Variants in KLHL14 observed in about 807,000 individuals in gnomAD.
KLHL14 encodes the protein kelch like family member 14.
A neutral mutation model predicts 64.3 loss-of-function variants in KLHL14; 22 were observed. That is an observed-to-expected ratio of 0.34 (90% CI 0.24 to 0.49). KLHL14 has a LOEUF of 0.49. KLHL14 is among the 20% of genes least tolerant of loss of function. KLHL14 has a pLI of 0.99. For missense variants in KLHL14, 661 were observed against 789.0 expected, an observed-to-expected ratio of 0.84 and a Z score of 1.94; for synonymous variants, 322 against 333.4, an observed-to-expected ratio of 0.97 and a Z score of 0.37.
At chr18:32,701,927 A>G (rs1267169463) in intron 3 of KLHL14, among the ~76,000 whole-genome samples, 1 of 152,226 alleles carries the variant, frequency 6.6e-6, no homozygotes, top group Admixed American at 6.5e-5. Flanking sequence ...GGTACATTTT[A>G]CATTTTGTTG....
chr18:32,684,565 A>G (rs1343267915), intron 5 of KLHL14, among the ~76,000 whole-genome samples: 8 of 152,170 alleles, frequency 5.3e-5, no homozygotes. Flanking sequence ...AATAGCAAGT[A>G]TAGCTCTGTA....
At chr18:32,710,687 G>A (rs768815342) in intron 3 of KLHL14, among the ~76,000 whole-genome samples, 2 of 152,142 alleles carry the variant, frequency 1.3e-5, no homozygotes, top group South Asian at 2.1e-4. Flanking sequence ...AAAAAGATGA[G>A]GCATGAGAAG....
chr18:32,701,121 T>C (rs1232449721), intron 3 of KLHL14, among the ~76,000 whole-genome samples: 2 of 152,190 alleles, frequency 1.3e-5, no homozygotes, highest in African/African-American at 4.8e-5. Flanking sequence ...AGTATTCCAT[T>C]TGATGGGCAT....
chr18:32,768,390 GACACAC>G (rs10567081), intron 2 of KLHL14, among the ~76,000 whole-genome samples: 9,361 of 141,562 alleles, frequency 0.066, 314 homozygotes, highest in Non-Finnish European at 0.071. Context: ...GAAACATAAT[GACACAC>G]ACACACACAC....
chr18:32,768,423 A>ACACACT (rs2050358363), intron 2 of KLHL14, among the ~76,000 whole-genome samples: 1 of 151,668 alleles, frequency 6.6e-6, no homozygotes, highest in Non-Finnish European at 1.5e-5. Flanking sequence ...ACACACACAC[A>ACACACT]CACACACACC....
chr18:32,693,413 C>CACACACAGAGAGAGAG (rs1229737083), intron 4 of KLHL14, among the ~76,000 whole-genome samples: 112 of 97,028 alleles, frequency 1.2e-3, no homozygotes, highest in African/African-American at 5.3e-3. Flanking sequence ...CACACACACA[C>CACACACAGAGAGAGAG]AGAGAGAGAG....
intron 2 of KLHL14, among the ~76,000 whole-genome samples, chr18:32,749,118 A>G (rs1041358201): frequency 6.6e-6 from 1 of 152,178 alleles, no homozygotes; most frequent in African/African-American, 2.4e-5. Flanking sequence ...TGATATTTTA[A>G]TTATGCTAAC....
intron 2 of KLHL14, among the ~76,000 whole-genome samples, chr18:32,761,614 T>C (rs780365570): frequency 2.0e-5 from 3 of 152,148 alleles, no homozygotes; most frequent in African/African-American, 4.8e-5. Flanking sequence ...CTGTCTGTTA[T>C]AGGGTGTCCC....
At chr18:32,749,029 G>A (rs8090117) in intron 2 of KLHL14, among the ~76,000 whole-genome samples, 2,020 of 152,174 alleles carry the variant, frequency 0.013, 32 homozygotes, top group African/African-American at 0.035. Flanking sequence ...GTAATTTGCA[G>A]GTTTGACAAG....
chr18:32,723,801 C>G (rs2050091905), intron 3 of KLHL14, among the ~76,000 whole-genome samples: 1 of 152,096 alleles, frequency 6.6e-6, no homozygotes, highest in Non-Finnish European at 1.5e-5. Context: ...CTAAGATATT[C>G]TTGCCTTTTG....
At chr18:32,755,184 G>A (rs2050275604) in intron 2 of KLHL14, among the ~76,000 whole-genome samples, 1 of 152,036 alleles carries the variant, frequency 6.6e-6, no homozygotes, top group South Asian at 2.1e-4. Context: ...AACCCTAGGT[G>A]GAGGGCTCCG....
chr18:32,771,430 G>C (rs1449187950), intron 1 of KLHL14, among the ~76,000 whole-genome samples: 1 of 152,140 alleles, frequency 6.6e-6, no homozygotes, highest in Non-Finnish European at 1.5e-5. Flanking sequence ...TTCGCAAACT[G>C]TTGGCTTCCC....
At chr18:32,716,953 C>T (rs925014336) in intron 3 of KLHL14, among the ~76,000 whole-genome samples, 1 of 152,096 alleles carries the variant, frequency 6.6e-6, no homozygotes, top group Non-Finnish European at 1.5e-5. Context: ...ATCTGCTAGA[C>T]AGATGTCTAG....
intron 3 of KLHL14, among the ~76,000 whole-genome samples, chr18:32,728,170 A>G (rs1295325921): frequency 6.6e-6 from 1 of 152,228 alleles, no homozygotes; most frequent in Non-Finnish European, 1.5e-5. Flanking sequence ...TTGATTCTGC[A>G]TAAAATGCTG....
intron 4 of KLHL14, among the ~76,000 whole-genome samples, chr18:32,694,307 A>G (rs145018361): frequency 6.6e-6 from 1 of 152,374 alleles, no homozygotes; most frequent in Non-Finnish European, 1.5e-5. Context: ...CATCTAAAGA[A>G]GGATAAGTTA....
intron 2 of KLHL14, among the ~76,000 whole-genome samples, chr18:32,753,538 A>G (rs1355389743): frequency 3.9e-5 from 6 of 152,186 alleles, no homozygotes; most frequent in Non-Finnish European, 7.3e-5. Flanking sequence ...CTAGGCACCA[A>G]ACTTGCAGAC....
chr18:32,723,747 C>T (rs2050091563), intron 3 of KLHL14, among the ~76,000 whole-genome samples: 1 of 152,134 alleles, frequency 6.6e-6, no homozygotes, highest in Non-Finnish European at 1.5e-5. Flanking sequence ...TGAACAGTGC[C>T]CCTCTTACTA....
intron 3 of KLHL14, among the ~76,000 whole-genome samples, chr18:32,697,751 C>T (rs1226708125): frequency 6.6e-6 from 1 of 152,106 alleles, no homozygotes; most frequent in Non-Finnish European, 1.5e-5. Flanking sequence ...TTGATTACCC[C>T]TATTGTTATG....
intron 2 of KLHL14, among the ~76,000 whole-genome samples, chr18:32,758,836 A>C (rs1183265299): frequency 6.6e-6 from 1 of 152,198 alleles, no homozygotes; most frequent in Non-Finnish European, 1.5e-5. Flanking sequence ...ATTCAAAAAA[A>C]CCCACATATT....
Sources: gnomAD v4.1 joint callset for allele counts (sites outside exome capture counted in the v4.1 genomes callset) on GRCh38, gnomAD v4.1.1 for gene constraint, MANE v1.5 for transcripts, NCBI Gene and HGNC (gene_info 2026-07-23, HGNC 2026-07-21) for gene names.